CDK5RAP1: variants seen among roughly 807,000 people sequenced by gnomAD.
CDK5RAP1 encodes CDK5RAP1 mitochondrial tRNA methylthiotransferase, also known as mitochondrial tRNA methylthiotransferase CDK5RAP1.
Under a neutral mutation model 64.5 loss-of-function variants are expected in CDK5RAP1, and 62 were observed. The ratio of observed to expected loss-of-function variants is 0.96; its 90% CI spans 0.78 to 1.19. The LOEUF is 1.19. CDK5RAP1 is among the 50% of genes most tolerant of loss of function. The probability of loss-of-function intolerance (pLI) is 0.00; values close to 1 mark genes in which losing one functional copy is unlikely to be tolerated. For synonymous variants in CDK5RAP1, 250 were observed against 261.9 expected (o/e 0.95, Z 0.44); for missense variants, 657 against 735.0 (o/e 0.89, Z 1.23).
rs554316994 is a variant in CDK5RAP1, at chr20:33,389,538, T to C, written c.545-2005A>G. Among the ~76,000 whole-genome samples the C allele has an allele frequency of 6.7e-3, 933 of 139,192 alleles. 5 individuals are homozygous for C. The highest frequency in any genetic ancestry group is 9.2e-3 in the Non-Finnish European group (594 of 64,332). The allele number at this position is 139,192 out of a possible 152,430, so 91.3% of individuals were successfully genotyped here. ...CCAGCCGACCCGTCAGGGAGGGAGG[T>C]GGGGGGGTCAGCCCCCGCCCGGCCA... On this transcript the variant is annotated intron_variant, in intron 5 of 13. Transcript: ENST00000346416.
intron 11 of CDK5RAP1, 74 bp downstream of exon 11, chr20:33,370,425 T>G: frequency 6.6e-7 from 1 of 1,517,478 alleles, no homozygotes; most frequent in South Asian, 1.2e-5. Context: ...CTCTCTTTTC[T>G]GCCCTGTTCT....
intron 5 of CDK5RAP1, among the ~76,000 whole-genome samples, chr20:33,389,474 C>G (rs1330210974): frequency 1.3e-5 from 2 of 152,000 alleles, no homozygotes; most frequent in African/African-American, 4.8e-5. Context: ...CCAGCAGCCG[C>G]CCCGTCCGGG....
At chr20:33,394,133 C>T in intron 3 of CDK5RAP1, 67 bp from the exon 4 acceptor site, 1 of 1,055,192 alleles carries the variant, frequency 9.5e-7, no homozygotes, top group Non-Finnish European at 1.5e-6. Flanking sequence ...TGTACAATTC[C>T]TGCCCTACAG....
rs754648419 is a variant in CDK5RAP1 at position 33,395,101 on chromosome 20, T to C, written c.320A>G (p.Tyr107Cys). The change falls in exon 3 of 14, where the codon TAT becomes TGT. Residue 107 changes from tyrosine (Y) to cysteine (C), a missense_variant. Tyr to Cys is a radical substitution (Grantham distance 194). Transcript: ENST00000346416. Reference protein sequence around the residue: ...GRQRKVYLETYGCQMNVNDTE... With the variant: ...GRQRKVYLETCGCQMNVNDTE... ...GTCATTCACATTCATCTGGCAGCCATAGGTCTCGAGGTAGACTGCAGTGAG... is the reference window on the plus strand; with the variant it reads ...GTCATTCACATTCATCTGGCAGCCACAGGTCTCGAGGTAGACTGCAGTGAG... 9.9e-6 allele frequency: 16 copies of C among 1,609,976 alleles called. No individual in the cohort carries two copies. In the Admixed American group the frequency reaches 1.0e-4, roughly 10 times the overall value.
Position 33,388,546 on chromosome 20 carries a change from C to T in CDK5RAP1, c.545-1013G>A, listed in dbSNP as rs1398285662. Among the ~76,000 whole-genome samples the T allele has an allele frequency of 1.1e-4, 10 of 94,340 alleles. 1 individual carries two copies. Among genetic ancestry groups the T allele is most frequent in the Non-Finnish European group, 1.9e-4 (9 of 48,208 alleles). 61.9% of individuals were successfully genotyped at this position (94,340 alleles called of 152,430 possible). A position where few individuals can be genotyped will look rare whatever the true frequency, so the allele number is the denominator to read the frequency against. ...CCTCTCCCTCTCCCCCTCTCCCTCTCCCCCTCTCCCTCTCCCTCTCCCTCT... is the reference window on the plus strand; with the variant it reads ...CCTCTCCCTCTCCCCCTCTCCCTCTTCCCCTCTCCCTCTCCCTCTCCCTCT... On this transcript the variant is annotated intron_variant, in intron 5 of 13. Transcript: ENST00000346416.
intron 6 of CDK5RAP1, among the ~76,000 whole-genome samples, chr20:33,387,029 T>G (rs1175578715): frequency 7.2e-5 from 11 of 151,940 alleles, no homozygotes; most frequent in African/African-American, 2.7e-4. Flanking sequence ...TTTGGAAGGC[T>G]GAGGTGGGAG....
intron 1 of CDK5RAP1, among the ~76,000 whole-genome samples, chr20:33,399,897 A>C (rs1271693485): frequency 6.6e-6 from 1 of 152,142 alleles, no homozygotes; most frequent in Non-Finnish European, 1.5e-5. Context: ...ATAAAAAATT[A>C]GCCAGCCATT....
At chr20:33,389,068 T>C (rs1987901500) in intron 5 of CDK5RAP1, among the ~76,000 whole-genome samples, 1 of 151,350 alleles carries the variant, frequency 6.6e-6, no homozygotes, top group Admixed American at 6.6e-5. Context: ...GTGAGGAGCA[T>C]CTCTGCCTGG....
chr20:33,388,633 T>C (rs1356320541), intron 5 of CDK5RAP1, among the ~76,000 whole-genome samples: 2 of 145,036 alleles, frequency 1.4e-5, no homozygotes, highest in South Asian at 4.7e-4. Flanking sequence ...CTTTCCACTG[T>C]CTCCCTCTCC....
Position 33,359,073 on chromosome 20 carries a change from G to A in CDK5RAP1, c.1734C>T (p.Thr578=). The change falls in exon 14 of 14, where the codon ACC becomes ACT. Residue 578 remains threonine (T), a synonymous_variant. Transcript: ENST00000346416. ...AATATGCAGAAGAGTCCCTCAGAGTGGTCCTGCAGAGAACATGTCCCCTAA... is the reference window on the plus strand; with the variant it reads ...AATATGCAGAAGAGTCCCTCAGAGTAGTCCTGCAGAGAACATGTCCCCTAA... ...QTLRGHVLCR[T]TLRDSSAYC 3 of 1,613,790 alleles carry A rather than the reference G, an allele frequency of 1.9e-6. 1 individual carries two copies. Among genetic ancestry groups the A allele is most frequent in the South Asian group, 2.2e-5 (2 of 91,070 alleles).
chr20:33,390,540 T>C (rs757690376), intron 5 of CDK5RAP1, among the ~76,000 whole-genome samples: 3 of 152,108 alleles, frequency 2.0e-5, no homozygotes, highest in Non-Finnish European at 4.4e-5. Context: ...TGCAGATGGA[T>C]GGTGGTGATG....
chr20:33,388,925 T>C (rs1254820501), intron 5 of CDK5RAP1, among the ~76,000 whole-genome samples: 2 of 152,194 alleles, frequency 1.3e-5, no homozygotes, highest in East Asian at 3.9e-4. Context: ...GTTCACTCAG[T>C]GCTCAATGTT....
chr20:33,392,462 ATTTT>A (rs1202756640), intron 4 of CDK5RAP1, among the ~76,000 whole-genome samples: 8 of 118,992 alleles, frequency 6.7e-5, no homozygotes, highest in Admixed American at 2.6e-4. Flanking sequence ...TTTGGGGGGG[ATTTT>A]TTTTTTTTTT....
At chr20:33,364,739 T>A (rs1983576386) in intron 12 of CDK5RAP1, among the ~76,000 whole-genome samples, 1 of 151,466 alleles carries the variant, frequency 6.6e-6, no homozygotes, top group Non-Finnish European at 1.5e-5. Context: ...CAAGCCCAGC[T>A]AATTTTGTAT....
chr20:33,392,700 A>G (rs1988455534), intron 4 of CDK5RAP1, among the ~76,000 whole-genome samples: 1 of 152,008 alleles, frequency 6.6e-6, no homozygotes, highest in Admixed American at 6.6e-5. Flanking sequence ...CTTCCTACAC[A>G]TCTTCAAATC....
At chr20:33,389,166 T>C (rs1255428540) in intron 5 of CDK5RAP1, among the ~76,000 whole-genome samples, 1 of 150,312 alleles carries the variant, frequency 6.7e-6, no homozygotes, top group African/African-American at 2.5e-5. Context: ...CGCCATCCCG[T>C]CTAGGAAGTG....
In CDK5RAP1 at chr20:33,377,559, T is replaced by G. The variant is rs114492036; in HGVS notation, c.1107+1902A>C. 7.6e-3 allele frequency among the ~76,000 whole-genome samples: 1,160 copies of G among 152,352 alleles called. 10 individuals are homozygous for G. The highest frequency in any genetic ancestry group is 0.026 in the African/African-American group (1,098 of 41,588). On this transcript the variant is annotated intron_variant, in intron 8 of 13. Coordinates refer to ENST00000346416, the MANE Select transcript of CDK5RAP1 (RefSeq NM_016408.4). Reference sequence around the variant, plus strand: ...TGGATTAGGCTTTGGCTTAAGGAAGTGCTGCGGCTTCTTTGATCTTCTCTC... The same window carrying G: ...TGGATTAGGCTTTGGCTTAAGGAAGGGCTGCGGCTTCTTTGATCTTCTCTC...
intron 12 of CDK5RAP1, 110 bp downstream of exon 12, chr20:33,366,740 GAGAATCACT>G: frequency 2.3e-6 from 2 of 881,158 alleles, no homozygotes; most frequent in Non-Finnish European, 3.4e-6. Flanking sequence ...GCTGAGGCAG[GAGAATCACT>G]TGAGCCCAGC....
chr20:33,365,137 C>A (rs546321273), intron 12 of CDK5RAP1, among the ~76,000 whole-genome samples: 1 of 152,262 alleles, frequency 6.6e-6, no homozygotes, highest in East Asian at 1.9e-4. Context: ...CTCACGCAAT[C>A]CTCCAGCCTT....
Sources: gnomAD v4.1 joint callset for allele counts (sites outside exome capture counted in the v4.1 genomes callset) on GRCh38, gnomAD v4.1.1 for gene constraint, MANE v1.5 for transcripts, NCBI Gene and HGNC (gene_info 2026-07-23, HGNC 2026-07-21) for gene names.